BPTF: variants seen among roughly 807,000 people sequenced by gnomAD.
BPTF encodes the protein bromodomain PHD finger transcription factor, also known as nucleosome-remodeling factor subunit BPTF.
A neutral mutation model predicts 292.5 loss-of-function variants in BPTF; 18 were observed. That is an observed-to-expected ratio of 0.06 (90% CI 0.04 to 0.09). BPTF has a LOEUF of 0.09. Among genes scored for constraint, BPTF ranks in the 10% least tolerant of loss-of-function variants. The pLI, the probability that BPTF is intolerant of heterozygous loss-of-function variation, is 1.00. For synonymous variants in BPTF, 1,225 were observed against 1,251.9 expected, an observed-to-expected ratio of 0.98 and a Z score of 0.45; for missense variants, 2,726 against 3,498.7, an observed-to-expected ratio of 0.78 and a Z score of 5.57.
intron 19 of BPTF, among the ~76,000 whole-genome samples, chr17:67,941,773 A>G (rs1555672044): frequency 6.6e-6 from 1 of 152,248 alleles, no homozygotes; most frequent in African/African-American, 2.4e-5. Flanking sequence ...TTTAGAAGAT[A>G]GAAGAATATC....
At position 67,940,640 on chromosome 17, in the gene BPTF, A is replaced by G; in HGVS notation, c.6461A>G (p.Gln2154Arg). Residue 2154 changes from glutamine to arginine, a missense_variant, in exon 19 of 28, where the codon CAG (glutamine) becomes CGG (arginine). Coordinates refer to ENST00000306378, the MANE Select transcript of BPTF (RefSeq NM_182641.4). ...QVKLTMAQLT[Q>R]LTQGHGGNQG... ...AAGCTCACCATGGCTCAACTTACTCAGTTAACACAGGGCCACGTAAGTAAC... is the reference window on the plus strand; with the variant it reads ...AAGCTCACCATGGCTCAACTTACTCGGTTAACACAGGGCCACGTAAGTAAC... The G allele has an allele frequency of 3.7e-6, 6 of 1,613,994 alleles. No individual in the cohort carries two copies. Among genetic ancestry groups the G allele is most frequent in the Non-Finnish European group, 5.1e-6 (6 of 1,179,836 alleles).
intron 9 of BPTF, 106 bp from the exon 10 acceptor site, chr17:67,909,476 A>T: frequency 1.3e-6 from 1 of 750,988 alleles, no homozygotes; most frequent in Non-Finnish European, 2.0e-6. Flanking sequence ...TGAAAAAATG[A>T]AACATAACTT....
At chr17:67,847,916 ATTTC>A (rs1157686614) in intron 1 of BPTF, among the ~76,000 whole-genome samples, 1 of 152,126 alleles carries the variant, frequency 6.6e-6, no homozygotes, top group Non-Finnish European at 1.5e-5. Flanking sequence ...ATCACAGGTT[ATTTC>A]TTCTTGATGT....
intron 23 of BPTF, among the ~76,000 whole-genome samples, chr17:67,949,604 C>T (rs1726725304): frequency 6.6e-6 from 1 of 150,516 alleles, no homozygotes; most frequent in Admixed American, 6.7e-5. Context: ...TCTATTTATA[C>T]ATATATATAC....
At chr17:67,906,949 A>T (rs1719792144) in intron 9 of BPTF, among the ~76,000 whole-genome samples, 2 of 152,158 alleles carry the variant, frequency 1.3e-5, no homozygotes, top group Non-Finnish European at 2.9e-5. Context: ...TGGGATGCCA[A>T]GGCAGGGGAG....
chr17:67,838,652 AT>A (rs1348169094), intron 1 of BPTF, among the ~76,000 whole-genome samples: 2 of 151,882 alleles, frequency 1.3e-5, no homozygotes, highest in Non-Finnish European at 2.9e-5. Context: ...AGTTTTTTAT[AT>A]TTTTTTAGTA....
Position 67,928,607 on chromosome 17 carries a change from G to C in BPTF, c.5998+6G>C. The C allele has an allele frequency of 6.3e-7, 1 of 1,596,742 alleles. No homozygotes were observed. The highest frequency in any genetic ancestry group is 8.5e-7 in the Non-Finnish European group (1 of 1,169,738). On this transcript the variant is annotated splice_donor_region_variant and intron_variant, in intron 16 of 27. Coordinates refer to ENST00000306378, the MANE Select transcript of BPTF (RefSeq NM_182641.4). ...GCAAGGCCAGTCAAATTCAGGTATGGAACTATCATTAAGTAAAAGATTACT... is the reference window on the plus strand; with the variant it reads ...GCAAGGCCAGTCAAATTCAGGTATGCAACTATCATTAAGTAAAAGATTACT...
chr17:67,840,125 A>T (rs112926011), intron 1 of BPTF, among the ~76,000 whole-genome samples: 2,379 of 140,830 alleles, frequency 0.017, 20 homozygotes, highest in Middle Eastern at 0.044. Flanking sequence ...TTTTTTTGAG[A>T]TAGGGTCTTG....
intron 11 of BPTF, among the ~76,000 whole-genome samples, chr17:67,916,474 C>T (rs1014873279): frequency 2.6e-5 from 4 of 152,090 alleles, no homozygotes; most frequent in Non-Finnish European, 5.9e-5. Context: ...CCTGTAATCC[C>T]AGCTACTCAG....
chr17:67,979,847 C>A (rs1221735603), intron 27 of BPTF, among the ~76,000 whole-genome samples: 1 of 151,966 alleles, frequency 6.6e-6, no homozygotes, highest in African/African-American at 2.4e-5. Context: ...TCAAGACCAG[C>A]CTGGCCAACA....
chr17:67,949,181 C>T (rs1555677046), intron 23 of BPTF, among the ~76,000 whole-genome samples: 1 of 152,134 alleles, frequency 6.6e-6, no homozygotes, highest in Non-Finnish European at 1.5e-5. Flanking sequence ...GCCTAGGCAA[C>T]ATGGCAAAAC....
intron 1 of BPTF, among the ~76,000 whole-genome samples, chr17:67,851,972 C>A (rs1365898043): frequency 2.0e-5 from 3 of 149,908 alleles, no homozygotes; most frequent in East Asian, 2.1e-4. Context: ...TAGAGAGATA[C>A]CAGATTAGTG....
At chr17:67,844,250 ATTT>A (rs1184073796) in intron 1 of BPTF, among the ~76,000 whole-genome samples, 2 of 131,764 alleles carry the variant, frequency 1.5e-5, no homozygotes, top group Admixed American at 7.5e-5. Flanking sequence ...TGTCTGGCGA[ATTT>A]TTTTTTTTTT....
chr17:67,841,608 C>A (rs1448977498), intron 1 of BPTF, among the ~76,000 whole-genome samples: 2 of 151,898 alleles, frequency 1.3e-5, no homozygotes, highest in Non-Finnish European at 2.9e-5. Flanking sequence ...TGCCATGTTG[C>A]CTAGGCTGGT....
At chr17:67,954,811 A>G (rs1555680198) in intron 23 of BPTF, among the ~76,000 whole-genome samples, 2 of 152,218 alleles carry the variant, frequency 1.3e-5, no homozygotes, top group African/African-American at 4.8e-5. Context: ...CTAGGAGATG[A>G]AACTCAAGGT....
chr17:67,929,305 G>A (rs2064164345), intron 16 of BPTF, 31 bp from the exon 17 acceptor site: 1 of 1,612,204 alleles, frequency 6.2e-7, no homozygotes, highest in Non-Finnish European at 8.5e-7. Context: ...TAAAGTGATA[G>A]TTTTTAATTA....
At position 67,910,888 on chromosome 17, in the gene BPTF, C is replaced by T. The variant is rs773507500; in HGVS notation, c.3004C>T (p.Leu1002Phe). ...TCTTTGTTTCACAGATGTGAAGGAG[C>T]TCTTAGATTCTGACAGTGATAAACC... Reference protein sequence around the residue: ...TEKKDQDVKELLDSDSDKPCK... With the variant: ...TEKKDQDVKEFLDSDSDKPCK... Residue 1002 changes from leucine to phenylalanine, a missense_variant, in exon 11 of 28, where the codon CTC becomes TTC. Leu to Phe is a conservative substitution (Grantham distance 22). This residue lies in a region of BPTF where 713 missense variants were observed against 714.9 expected (regional missense o/e 1.00). Transcript: ENST00000306378. The T allele has an allele frequency of 1.4e-5, 22 of 1,580,484 alleles. No individual in the cohort carries two copies. In the Admixed American group the frequency reaches 4.2e-4, roughly 30 times the overall value.
chr17:67,944,135 G>C lies in BPTF; in HGVS notation c.6478-15G>C, dbSNP rs372887341. The C allele has an allele frequency of 6.3e-7, 1 of 1,597,260 alleles. No individual in the cohort carries two copies. Among genetic ancestry groups the C allele is most frequent in the Non-Finnish European group, 8.6e-7 (1 of 1,164,724 alleles). ...ATGCTTTGAACACTGTTTACATGTT[G>C]TGTTTTTTCCACAGGGTGGCAATCA... is the stretch of plus-strand genomic sequence containing the variant. On this transcript the variant is annotated splice_polypyrimidine_tract_variant and intron_variant, in intron 19 of 27. Coordinates refer to ENST00000306378, the MANE Select transcript of BPTF (RefSeq NM_182641.4).
At chr17:67,896,043 A>G (rs888611731) in intron 7 of BPTF, among the ~76,000 whole-genome samples, 1 of 146,676 alleles carries the variant, frequency 6.8e-6, no homozygotes, top group South Asian at 2.1e-4. Flanking sequence ...GGCTCACTGC[A>G]GCTCCGCCTC....
Sources: gnomAD v4.1 joint callset for allele counts (sites outside exome capture counted in the v4.1 genomes callset) on GRCh38, gnomAD v4.1.1 for gene constraint, gnomAD v4.1.1 regional missense constraint, MANE v1.5 for transcripts, NCBI Gene and HGNC (gene_info 2026-07-23, HGNC 2026-07-21) for gene names.